Variants in NEDD4 observed in about 807,000 individuals in gnomAD.
The protein encoded by NEDD4 is E3 ubiquitin-protein ligase NEDD4.
In NEDD4, 99 loss-of-function variants were observed where a neutral mutation model predicts 144.9. The ratio of observed to expected loss-of-function variants is 0.68; its 90% confidence interval spans 0.58 to 0.81. The LOEUF (loss-of-function observed/expected upper bound fraction) is 0.81, where lower values mean the gene tolerates loss of function less well. NEDD4 is among the 30% of genes least tolerant of loss of function. The pLI is 0.00. For synonymous variants in NEDD4, 318 were observed against 350.6 expected (o/e 0.91, Z 1.04); for missense variants, 985 against 1,065.9 (o/e 0.92, Z 1.06).
chr15:55,931,810 G>A (rs2036787402), intron 4 of NEDD4, among the ~76,000 whole-genome samples: 2 of 152,094 alleles, frequency 1.3e-5, no homozygotes. Context: ...ACAATTCAAT[G>A]GTTTTTAATA....
intron 1 of NEDD4, among the ~76,000 whole-genome samples, chr15:55,971,645 T>C (rs1269326450): frequency 7.1e-6 from 1 of 141,258 alleles, no homozygotes; most frequent in Non-Finnish European, 1.5e-5. Flanking sequence ...AAAAGACTTA[T>C]TAGCTTTAAA....
At chr15:55,955,781 G>T (rs2037325996) in intron 2 of NEDD4, among the ~76,000 whole-genome samples, 2 of 149,618 alleles carry the variant, frequency 1.3e-5, no homozygotes, top group African/African-American at 2.5e-5. Context: ...ACCCCATCAT[G>T]ACACTTAAAA....
At chr15:55,960,922 G>C (rs1018835488) in intron 2 of NEDD4, among the ~76,000 whole-genome samples, 1 of 152,190 alleles carries the variant, frequency 6.6e-6, no homozygotes, top group Admixed American at 6.5e-5. Flanking sequence ...GTTGGCCCTG[G>C]GAGGCATGCT....
chr15:55,916,268 G>T, intron 5 of NEDD4: 2 of 1,614,010 alleles, frequency 1.2e-6, no homozygotes, highest in Non-Finnish European at 1.7e-6. Flanking sequence ...AACTACTACT[G>T]TCACTGATGA....
chr15:55,921,164 A>T (rs2036562114), intron 5 of NEDD4, among the ~76,000 whole-genome samples: 1 of 152,182 alleles, frequency 6.6e-6, no homozygotes, highest in African/African-American at 2.4e-5. Context: ...CAATATGCTT[A>T]TGAGATAGGC....
chr15:55,953,950 G>A (rs1255009405), intron 2 of NEDD4, among the ~76,000 whole-genome samples: 3 of 152,166 alleles, frequency 2.0e-5, no homozygotes, highest in Non-Finnish European at 4.4e-5. Context: ...TCAATCTCTT[G>A]ACCTCGTGAC....
rs1362392433 is a variant in NEDD4, at chr15:55,986,139, T to C, written c.45+7372A>G. ...TTTTACAAGTCTATGCTGATATAAA[T>C]AAATGACAGGAAAAGGAAAGCTCTT... On this transcript the variant is annotated intron_variant, in intron 1 of 28. Transcript: ENST00000435532. Among the ~76,000 whole-genome samples the C allele has an allele frequency of 2.6e-5, 4 of 152,084 alleles. No individual in the cohort carries two copies. The East Asian group carries it at 7.7e-4, about 29-fold the overall frequency.
intron 4 of NEDD4, among the ~76,000 whole-genome samples, chr15:55,932,371 T>A (rs1161419276): frequency 1.3e-5 from 2 of 152,194 alleles, no homozygotes; most frequent in Non-Finnish European, 2.9e-5. Context: ...ACCACACATC[T>A]ACAACCATGT....
chr15:55,947,079 A>G (rs1402605090), intron 4 of NEDD4, among the ~76,000 whole-genome samples: 19 of 152,194 alleles, frequency 1.2e-4, no homozygotes, highest in Admixed American at 2.6e-4. Flanking sequence ...TTGACACCCT[A>G]ACATCACAAT....
intron 2 of NEDD4, among the ~76,000 whole-genome samples, chr15:55,956,018 T>C (rs2037332385): frequency 6.6e-6 from 1 of 151,918 alleles, no homozygotes; most frequent in Non-Finnish European, 1.5e-5. Flanking sequence ...CAGGGTCTTA[T>C]CACCAGGCTG....
chr15:55,934,681 T>A (rs1446092140), intron 4 of NEDD4: 1 of 151,826 alleles, frequency 6.6e-6, no homozygotes, highest in East Asian at 1.9e-4. Flanking sequence ...AAATTATAAA[T>A]CTCTGTCTTA....
chr15:55,872,023 A>G (rs1458395915), intron 7 of NEDD4, among the ~76,000 whole-genome samples: 7 of 152,154 alleles, frequency 4.6e-5, no homozygotes, highest in African/African-American at 1.7e-4. Flanking sequence ...TGAAATACTA[A>G]GTATGCAAAA....
intron 4 of NEDD4, among the ~76,000 whole-genome samples, chr15:55,931,767 T>G (rs765229573): frequency 1.6e-4 from 25 of 152,230 alleles, no homozygotes; most frequent in Non-Finnish European, 3.1e-4. Context: ...CTAGCTATAA[T>G]TCACATAGCA....
intron 5 of NEDD4, chr15:55,916,390 T>A (rs1207080225): frequency 1.2e-6 from 2 of 1,613,964 alleles, no homozygotes; most frequent in Non-Finnish European, 1.7e-6. Context: ...AGGCTACCAC[T>A]ACAAATGGCT....
intron 5 of NEDD4, among the ~76,000 whole-genome samples, chr15:55,907,602 T>C (rs1285478202): frequency 6.6e-6 from 1 of 152,216 alleles, no homozygotes; most frequent in Non-Finnish European, 1.5e-5. Context: ...GAAGACGACT[T>C]GAGTTTCCAG....
chr15:55,856,116 G>A lies in NEDD4; in HGVS notation c.1026+15C>T, dbSNP rs754465396. Reference sequence around the variant, plus strand: ...TTTATATTTTTATTGATTGATGGGAGAGGGTAAAACTCACCACAGGAAGTG... The same window carrying A: ...TTTATATTTTTATTGATTGATGGGAAAGGGTAAAACTCACCACAGGAAGTG... On this transcript the variant is annotated intron_variant, in intron 12 of 28. Transcript: ENST00000435532. 9 of 1,600,884 alleles carry A rather than the reference G, an allele frequency of 5.6e-6. No homozygotes were observed. Among genetic ancestry groups the A allele is most frequent in the Non-Finnish European group, 7.7e-6 (9 of 1,168,278 alleles).
At chr15:55,855,736 C>T (rs922827647) in intron 12 of NEDD4, among the ~76,000 whole-genome samples, 3 of 152,218 alleles carry the variant, frequency 2.0e-5, no homozygotes, top group African/African-American at 7.2e-5. Flanking sequence ...TGCCAGTGCA[C>T]GCCTGAGTGA....
At chr15:55,983,014 C>T (rs563756177) in intron 1 of NEDD4, among the ~76,000 whole-genome samples, 1 of 151,984 alleles carries the variant, frequency 6.6e-6, no homozygotes, top group East Asian at 1.9e-4. Flanking sequence ...CCCAGCTACT[C>T]GGGAGGCTGA....
At chr15:55,930,785 T>G (rs1427438333) in intron 4 of NEDD4, among the ~76,000 whole-genome samples, 4 of 152,188 alleles carry the variant, frequency 2.6e-5, no homozygotes, top group African/African-American at 9.7e-5. Context: ...GGAGTTTCCC[T>G]GCACACACTC....
Sources: allele counts gnomAD v4.1 joint callset (sites outside exome capture counted in the v4.1 genomes callset), GRCh38; gene constraint gnomAD v4.1.1; transcripts MANE v1.5; gene names NCBI Gene and HGNC (gene_info 2026-07-23, HGNC 2026-07-21).